The following NEK11 variants were observed in gnomAD, a reference collection of about 807,000 sequenced individuals.
NEK11 encodes NIMA related kinase 11, also known as serine/threonine-protein kinase Nek11.
A neutral mutation model predicts 80.7 loss-of-function variants in NEK11; 72 were observed. That is an observed-to-expected ratio of 0.89 (90% CI 0.74 to 1.08). The LOEUF (loss-of-function observed/expected upper bound fraction) is 1.08, where lower values mean the gene tolerates loss of function less well. Ranked by LOEUF, NEK11 falls within the 50% of genes least tolerant of loss-of-function variation. The probability of loss-of-function intolerance (pLI) is 0.00; values close to 1 mark genes in which losing one functional copy is unlikely to be tolerated. For synonymous variants in NEK11, 251 were observed against 260.7 expected (o/e 0.96, Z 0.36); for missense variants, 764 against 763.6 (o/e 1.00, Z -0.01).
chr3:131,042,427 G>A (rs1447413378), intron 3 of NEK11, among the ~76,000 whole-genome samples: 2 of 152,162 alleles, frequency 1.3e-5, no homozygotes, highest in African/African-American at 2.4e-5. Flanking sequence ...TTGGTGGGGG[G>A]AGGGGTGTTC....
Position 131,109,967 on chromosome 3 carries a change from C to A in NEK11, c.455+46C>A. On this transcript the variant is annotated intron_variant, in intron 5 of 17. Coordinates refer to ENST00000383366, the MANE Select transcript of NEK11 (RefSeq NM_024800.5). ...GGGAGCATGATATATTTTTAACAGT[C>A]ATGTTTGAACTTGAAAAGTGAATTT... 4 of 1,533,664 alleles carry A rather than the reference C, an allele frequency of 2.6e-6. No individual in the cohort carries two copies. The South Asian group carries it at 3.9e-5, about 15-fold the overall frequency.
intron 17 of NEK11, among the ~76,000 whole-genome samples, chr3:131,307,520 TA>T (rs1304996614): frequency 6.6e-6 from 1 of 152,200 alleles, no homozygotes; most frequent in Non-Finnish European, 1.5e-5. Context: ...CCCTTTTACA[TA>T]AAATGCAATA....
chr3:131,336,171 A>C (rs2097180313), intron 17 of NEK11, among the ~76,000 whole-genome samples: 1 of 152,322 alleles, frequency 6.6e-6, no homozygotes, highest in Admixed American at 6.5e-5. Context: ...GTCAATCCTA[A>C]GCCAAAAGAA....
chr3:131,115,966 C>CTTTCTTTCTTTCTT lies in NEK11; in HGVS notation c.455+6047_455+6060dup, dbSNP rs1553878581. On this transcript the variant is annotated intron_variant, in intron 5 of 17. Coordinates refer to ENST00000383366, the MANE Select transcript of NEK11 (RefSeq NM_024800.5). The stretch of plus-strand genomic sequence containing the variant: ...TCTTTCTTTCTTTCTTTCTTTCTTT[C>CTTTCTTTCTTTCTT]TTTCTTTCTTTCTTTCTTTCTTTAT... Among the ~76,000 whole-genome samples, 105 of 141,054 alleles carry CTTTCTTTCTTTCTT rather than the reference C, an allele frequency of 7.4e-4. 1 individual carries two copies. Among genetic ancestry groups the CTTTCTTTCTTTCTT allele is most frequent in the Non-Finnish European group, 1.3e-3 (86 of 64,652 alleles). The allele number at this position is 141,054 out of a possible 152,430, so 92.5% of individuals were successfully genotyped here.
At chr3:131,120,340 A>G (rs2149458377) in intron 5 of NEK11, among the ~76,000 whole-genome samples, 1 of 152,298 alleles carries the variant, frequency 6.6e-6, no homozygotes, top group South Asian at 2.1e-4. Context: ...GTTTGTGCTG[A>G]GAGATCCGCT....
At chr3:131,109,699 C>T (rs1431346653) in intron 4 of NEK11, 104 bp from the exon 5 acceptor site, 1 of 1,143,774 alleles carries the variant, frequency 8.7e-7, no homozygotes, top group Non-Finnish European at 1.2e-6. Context: ...TACAGAATGG[C>T]ACTTTCTTAT....
intron 16 of NEK11, among the ~76,000 whole-genome samples, chr3:131,262,409 A>T (rs2095943255): frequency 6.6e-6 from 1 of 152,176 alleles, no homozygotes; most frequent in Admixed American, 6.6e-5. Flanking sequence ...AAACCTGAAT[A>T]TGCCTATCAT....
chr3:131,133,728 G>A (rs1279862557), intron 6 of NEK11, 102 bp from the exon 7 acceptor site: 2 of 790,110 alleles, frequency 2.5e-6, no homozygotes, highest in South Asian at 1.9e-5. Flanking sequence ...ATGAACCATT[G>A]CATAATAAAA....
At chr3:131,168,769 C>A in intron 12 of NEK11, 61 bp from the exon 13 acceptor site, 2 of 1,250,256 alleles carry the variant, frequency 1.6e-6, no homozygotes, top group Non-Finnish European at 2.3e-6. Flanking sequence ...AGCACTTCAC[C>A]TCTAGATGAA....
At chr3:131,148,537 A>G (rs1413162359) in intron 7 of NEK11, among the ~76,000 whole-genome samples, 8 of 151,978 alleles carry the variant, frequency 5.3e-5, no homozygotes, top group Admixed American at 6.6e-5. Context: ...TATTGAGAAG[A>G]TAAAGGTAGC....
intron 14 of NEK11, 133 bp downstream of exon 14, chr3:131,171,020 G>C: frequency 1.4e-6 from 1 of 739,702 alleles, no homozygotes. Flanking sequence ...GTTTACCAGG[G>C]CTGGGCTATG....
chr3:131,203,787 A>AAAGTTT (rs1560949950), intron 14 of NEK11, among the ~76,000 whole-genome samples: 1 of 7,490 alleles, frequency 1.3e-4, no homozygotes, highest in African/African-American at 3.8e-4. Context: ...ATATATATAT[A>AAAGTTT]TATATATATA....
Position 131,333,115 on chromosome 3 carries a change from A to C in NEK11, c.1719-16442A>C, listed in dbSNP as rs539832922. Among the ~76,000 whole-genome samples, 80 of 152,272 alleles carry C rather than the reference A, an allele frequency of 5.3e-4. 2 individuals are homozygous for C. The highest frequency in any genetic ancestry group is 3.4e-3 in the Middle Eastern group (1 of 294). ...ACCTTCAGATTCAGGAAATACAGAG[A>C]ACACCACAAAGATACTCCTCAAGAA... On this transcript the variant is annotated intron_variant, in intron 17 of 17. Transcript: ENST00000383366.
chr3:131,227,424 C>G lies in NEK11; in HGVS notation c.1400-1104C>G, dbSNP rs965063667. Reference sequence around the variant, plus strand: ...CTATTACTCAATCTCAGCAGCCACTCTACTAGATTACACTTATGTTAATTT... The same window carrying G: ...CTATTACTCAATCTCAGCAGCCACTGTACTAGATTACACTTATGTTAATTT... On this transcript the variant is annotated intron_variant, in intron 14 of 17. Transcript: ENST00000383366. Among the ~76,000 whole-genome samples the G allele has an allele frequency of 2.0e-5, 3 of 152,086 alleles. No individual in the cohort carries two copies. In the South Asian group the frequency reaches 6.2e-4, roughly 32 times the overall value.
chr3:131,218,285 G>T (rs555552366), intron 14 of NEK11, among the ~76,000 whole-genome samples: 53 of 152,270 alleles, frequency 3.5e-4, no homozygotes, highest in African/African-American at 1.3e-3. Context: ...TATAGAGTTT[G>T]GTGTGGGGTT....
In NEK11 at chr3:131,313,030, T is replaced by C. The variant is rs142530901; in HGVS notation, c.1719-36527T>C. Reference sequence around the variant, plus strand: ...TCTGTTGTTCCCCTCTTTGGGTCCATGTGTTCTCATCATTTAGCTTCCACT... The same window carrying C: ...TCTGTTGTTCCCCTCTTTGGGTCCACGTGTTCTCATCATTTAGCTTCCACT... On this transcript the variant is annotated intron_variant, in intron 17 of 17. Transcript: ENST00000383366. Among the ~76,000 whole-genome samples, 340 of 152,238 alleles carry C rather than the reference T, an allele frequency of 2.2e-3. 1 individual carries two copies. Among genetic ancestry groups the C allele is most frequent in the African/African-American group, 7.6e-3 (317 of 41,540 alleles).
intron 13 of NEK11, 95 bp downstream of exon 13, chr3:131,169,032 C>A (rs933846847): frequency 2.0e-5 from 17 of 852,854 alleles, no homozygotes; most frequent in African/African-American, 3.4e-5. Context: ...GAACACTTTG[C>A]AGAGGAGCCT....
At chr3:131,067,914 G>A (rs1467407199) in intron 3 of NEK11, among the ~76,000 whole-genome samples, 1 of 152,176 alleles carries the variant, frequency 6.6e-6, no homozygotes, top group Non-Finnish European at 1.5e-5. Flanking sequence ...GGACGGTTTT[G>A]GGGTCATATC....
chr3:131,220,396 AT>A (rs2094980498), intron 14 of NEK11, among the ~76,000 whole-genome samples: 1 of 152,136 alleles, frequency 6.6e-6, no homozygotes, highest in Admixed American at 6.5e-5. Flanking sequence ...CACAAATGTT[AT>A]TTTTGGGAAA....
Sources: gnomAD v4.1 joint callset for allele counts (sites outside exome capture counted in the v4.1 genomes callset) on GRCh38, gnomAD v4.1.1 for gene constraint, MANE v1.5 for transcripts, NCBI Gene and HGNC (gene_info 2026-07-23, HGNC 2026-07-21) for gene names.